Variants in DYNC2H1 observed in about 807,000 individuals in gnomAD.
DYNC2H1 encodes cytoplasmic dynein 2 heavy chain 1.
A neutral mutation model predicts 570.0 loss-of-function variants in DYNC2H1; 410 were observed. The observed-to-expected ratio is 0.72, with a 90% CI of 0.66 to 0.78. The LOEUF (loss-of-function observed/expected upper bound fraction) is 0.78, where lower values mean the gene tolerates loss of function less well. Ranked by LOEUF, DYNC2H1 falls within the 30% of genes least tolerant of loss-of-function variation. The pLI is 0.00. For synonymous variants in DYNC2H1, 1,688 were observed against 1,677.6 expected (o/e 1.01, Z -0.15); for missense variants, 4,865 against 5,046.4 (o/e 0.96, Z 1.09).
In DYNC2H1 at chr11:103,170,292, T is replaced by C. The variant is rs1861516392; in HGVS notation, c.5151+2T>C. ...GTTTTAGTCTTTAATTGTGATGAGG[T>C]AGAATAAATAATTATCAAAATATGT... is the stretch of plus-strand genomic sequence containing the variant. On this transcript the variant is annotated splice_donor_variant, in intron 33 of 88. Coordinates refer to ENST00000375735, the MANE Select transcript of DYNC2H1 (RefSeq NM_001377.3). LOFTEE classifies it high-confidence loss of function. The surrounding 1 kb of genome is among the most constrained non-coding windows in gnomAD (Gnocchi z 4.8). The C allele has an allele frequency of 1.3e-6, 2 of 1,559,600 alleles. No homozygotes were observed.
chr11:103,316,571 T>C lies in DYNC2H1; in HGVS notation c.11676T>C (p.Ser3892=), dbSNP rs1208241463. The C allele has an allele frequency of 1.9e-6, 3 of 1,560,994 alleles. No homozygotes were observed. Among genetic ancestry groups the C allele is most frequent in the East Asian group, 4.7e-5 (2 of 42,308 alleles). ...GTTGGACAAAGTTTTATGAATTTTCTTTATCAGATCTTCGGGCTGGGTACA... is the reference window on the plus strand; with the variant it reads ...GTTGGACAAAGTTTTATGAATTTTCCTTATCAGATCTTCGGGCTGGGTACA... The part of the protein sequence containing the change: ...PQGWTKFYEF[S]LSDLRAGYNI... The change falls in exon 80 of 89, where the codon TCT becomes TCC. Residue 3892 remains serine, a synonymous_variant. Coordinates refer to ENST00000375735, the MANE Select transcript of DYNC2H1 (RefSeq NM_001377.3).
chr11:103,383,312 T>C (rs928698979), intron 83 of DYNC2H1, among the ~76,000 whole-genome samples: 4 of 152,214 alleles, frequency 2.6e-5, no homozygotes, highest in African/African-American at 7.2e-5. Context: ...AACTTCAGTT[T>C]GCAGAGTTAG....
rs1301330250 is a variant in DYNC2H1 at position 103,277,227 on chromosome 11, A to G, written c.10696-3121A>G. On this transcript the variant is annotated intron_variant, in intron 70 of 88. Coordinates refer to ENST00000375735, the MANE Select transcript of DYNC2H1 (RefSeq NM_001377.3). The surrounding 1 kb of genome is among the most constrained non-coding windows in gnomAD (Gnocchi z 4.3). ...TTCACAAATTTATTTGTGCTCATAT[A>G]GTTATACAAAGTGTGTGTTCAAATT... Among the ~76,000 whole-genome samples, 1 of 152,068 alleles carries G rather than the reference A, an allele frequency of 6.6e-6. No homozygotes were observed. Among genetic ancestry groups the G allele is most frequent in the East Asian group, 1.9e-4 (1 of 5,194 alleles).
chr11:103,307,926 A>G (rs1867373696), intron 78 of DYNC2H1, 95 bp downstream of exon 78: 2 of 544,174 alleles, frequency 3.7e-6, no homozygotes, highest in Non-Finnish European at 6.2e-6. Context: ...TACAGAACAC[A>G]CAACTTCTTT....
At chr11:103,182,313 T>C (rs1046655036) in intron 40 of DYNC2H1, among the ~76,000 whole-genome samples, 1 of 150,938 alleles carries the variant, frequency 6.6e-6, no homozygotes, top group Non-Finnish European at 1.5e-5. Context: ...TAAATACCTA[T>C]ATATATGTCA....
intron 75 of DYNC2H1, among the ~76,000 whole-genome samples, chr11:103,294,449 A>T (rs570858305): frequency 9.2e-5 from 14 of 152,350 alleles, no homozygotes; most frequent in African/African-American, 2.9e-4. Context: ...CCTAAGCCCA[A>T]GAACTCTATG....
intron 3 of DYNC2H1, among the ~76,000 whole-genome samples, chr11:103,114,957 A>G (rs367554732): frequency 1.3e-5 from 2 of 152,146 alleles, no homozygotes; most frequent in East Asian, 1.9e-4. Context: ...ATCACTAACA[A>G]AAAGCACACA....
chr11:103,414,592 G>GTCA (rs143960914), intron 84 of DYNC2H1, among the ~76,000 whole-genome samples: 34 of 37,576 alleles, frequency 9.0e-4, no homozygotes, highest in Middle Eastern at 0.015. Context: ...AAGTCACATT[G>GTCA]TCTCTGTTTG....
At chr11:103,351,700 C>T (rs1044625983) in intron 82 of DYNC2H1, among the ~76,000 whole-genome samples, 1 of 151,926 alleles carries the variant, frequency 6.6e-6, no homozygotes, top group African/African-American at 2.4e-5. Flanking sequence ...ATGTTTATTT[C>T]TTGAATCTGT....
chr11:103,114,070 C>A (rs114066525), intron 2 of DYNC2H1, 33 bp from the exon 3 acceptor site: 1 of 1,597,198 alleles, frequency 6.3e-7, no homozygotes, highest in South Asian at 1.1e-5. Flanking sequence ...AAATTTTGAT[C>A]AATCTTGGTT....
In DYNC2H1 at chr11:103,468,487, G is replaced by A. The variant is rs574540938; in HGVS notation, c.12649-102G>A. 4.3e-5 allele frequency: 31 copies of A among 718,126 alleles called. No individual in the cohort carries two copies. The South Asian group carries it at 4.9e-4, about 11-fold the overall frequency. The allele number at this position is 718,126 out of a possible 1,614,324, so 44.5% of individuals were successfully genotyped here. A position where few individuals can be genotyped will look rare whatever the true frequency, so the allele number is the denominator to read the frequency against. ...TCTTTGTTTTCATATATTTGGAATCGGTGAACACAATGGAAAGCATAGCTC... is the reference window on the plus strand; with the variant it reads ...TCTTTGTTTTCATATATTTGGAATCAGTGAACACAATGGAAAGCATAGCTC... On this transcript the variant is annotated intron_variant, in intron 87 of 88. Coordinates refer to ENST00000375735, the MANE Select transcript of DYNC2H1 (RefSeq NM_001377.3).
In DYNC2H1 at chr11:103,387,860, A is replaced by G. The variant is rs184360129; in HGVS notation, c.12157-11803A>G. Among the ~76,000 whole-genome samples, 7 of 152,238 alleles carry G rather than the reference A, an allele frequency of 4.6e-5. No homozygotes were observed. The East Asian group carries it at 7.7e-4, about 17-fold the overall frequency. On this transcript the variant is annotated intron_variant, in intron 83 of 88. Transcript: ENST00000375735. ...GAGTTCTGTTCTGTTCCATTGGTCT[A>G]TATCTCTGTTTTGGTATCAGTACCA...
At chr11:103,165,788 G>T (rs1467891741) in intron 30 of DYNC2H1, 110 bp from the exon 31 acceptor site, 1 of 794,940 alleles carries the variant, frequency 1.3e-6, no homozygotes, top group African/African-American at 1.8e-5. Context: ...TTAAGATGGA[G>T]AGATCCAATA....
rs879918224 is a variant in DYNC2H1, at chr11:103,459,929, G to A, written c.12648+3573G>A. Among the ~76,000 whole-genome samples the A allele has an allele frequency of 3.1e-4, 43 of 140,414 alleles. No homozygotes were observed. The Middle Eastern group carries it at 0.012, about 39-fold the overall frequency. 92.1% of individuals were successfully genotyped at this position (140,414 alleles called of 152,430 possible). On this transcript the variant is annotated intron_variant, in intron 87 of 88. Coordinates refer to ENST00000375735, the MANE Select transcript of DYNC2H1 (RefSeq NM_001377.3). ...ATTGCGCCACTGCAGTCCGCAGTCC[G>A]GCCTGGGCGACAGAGCGAGACTCCG... is the stretch of plus-strand genomic sequence containing the variant.
intron 17 of DYNC2H1, among the ~76,000 whole-genome samples, chr11:103,139,763 G>A (rs1435804871): frequency 6.6e-6 from 1 of 151,802 alleles, no homozygotes; most frequent in Non-Finnish European, 1.5e-5. Context: ...CAATTCCTGG[G>A]TATCCTTGTT....
intron 82 of DYNC2H1, among the ~76,000 whole-genome samples, chr11:103,352,024 T>G (rs1341627422): frequency 6.6e-6 from 1 of 152,158 alleles, no homozygotes; most frequent in African/African-American, 2.4e-5. Context: ...TTTGCAACTT[T>G]GTATGGTATA....
intron 24 of DYNC2H1, among the ~76,000 whole-genome samples, chr11:103,155,065 C>G (rs1860751794): frequency 6.6e-6 from 1 of 151,776 alleles, no homozygotes; most frequent in African/African-American, 2.4e-5. Context: ...GGGTCCTATC[C>G]TATAATAATA....
chr11:103,184,780 GGAGT>G, intron 40 of DYNC2H1, 112 bp from the exon 41 acceptor site: 1 of 985,822 alleles, frequency 1.0e-6, no homozygotes, highest in Admixed American at 2.6e-5. Flanking sequence ...TTTGAATAGA[GGAGT>G]GAGTTTAAAA....
At chr11:103,136,794 T>C (rs1355380571) in intron 17 of DYNC2H1, among the ~76,000 whole-genome samples, 1 of 152,228 alleles carries the variant, frequency 6.6e-6, no homozygotes, top group Admixed American at 6.5e-5. Flanking sequence ...CCCTGAGGAA[T>C]AGCCACACTG....
Sources: gnomAD v4.1 joint callset for allele counts (sites outside exome capture counted in the v4.1 genomes callset) on GRCh38, gnomAD v4.1.1 for gene constraint, Gnocchi (gnomAD v3.1) non-coding constraint, MANE v1.5 for transcripts, NCBI Gene and HGNC (gene_info 2026-07-23, HGNC 2026-07-21) for gene names.